The following LNX2 variants were observed in gnomAD, a reference collection of about 807,000 sequenced individuals.
LNX2 encodes ligand of Numb protein X 2.
Under a neutral mutation model 66.2 loss-of-function variants are expected in LNX2, and 35 were observed. The ratio of observed to expected loss-of-function variants is 0.53; its 90% CI spans 0.40 to 0.70. LNX2 has a LOEUF of 0.70. LNX2 is among the 30% of genes least tolerant of loss of function. The pLI is 0.00. For synonymous variants in LNX2, 337 were observed against 315.6 expected, an observed-to-expected ratio of 1.07 and a Z score of -0.72; for missense variants, 791 against 850.8, an observed-to-expected ratio of 0.93 and a Z score of 0.87.
Position 27,609,333 on chromosome 13 carries a change from T to C in LNX2, c.-101+11042A>G, listed in dbSNP as rs868394938. Among the ~76,000 whole-genome samples, 7 of 151,928 alleles carry C rather than the reference T, an allele frequency of 4.6e-5. 1 individual carries two copies. Among genetic ancestry groups the C allele is most frequent in the Admixed American group, 1.3e-4 (2 of 15,262 alleles). The stretch of plus-strand genomic sequence containing the variant: ...ATGCCCACCTAATTTTTGTATTTTC[T>C]AGTAGAGACAGAGTTTCATTATATG... On this transcript the variant is annotated intron_variant, in intron 1 of 9. Transcript: ENST00000316334.
At chr13:27,560,848 G>A (rs1410728063) in intron 5 of LNX2, among the ~76,000 whole-genome samples, 1 of 151,856 alleles carries the variant, frequency 6.6e-6, no homozygotes, top group Non-Finnish European at 1.5e-5. Flanking sequence ...AGAAATTGTG[G>A]TACAAAGTGG....
intron 1 of LNX2, among the ~76,000 whole-genome samples, chr13:27,600,264 G>A (rs1464908544): frequency 1.3e-5 from 2 of 152,124 alleles, no homozygotes; most frequent in African/African-American, 2.4e-5. Context: ...CAAAAACAGT[G>A]TACATTTTAT....
At chr13:27,561,081 G>A (rs1955130041) in intron 5 of LNX2, among the ~76,000 whole-genome samples, 1 of 152,008 alleles carries the variant, frequency 6.6e-6, no homozygotes, top group Non-Finnish European at 1.5e-5. Context: ...TCCATTATTT[G>A]GAGAAAATTA....
intron 1 of LNX2, among the ~76,000 whole-genome samples, chr13:27,594,951 C>T (rs74040818): frequency 8.1e-4 from 124 of 152,218 alleles, no homozygotes; most frequent in African/African-American, 2.9e-3. Context: ...CACTAGTATC[C>T]AAAAAGCCAT....
intron 1 of LNX2, among the ~76,000 whole-genome samples, chr13:27,587,566 T>C (rs577134871): frequency 6.8e-4 from 103 of 152,220 alleles, no homozygotes; most frequent in Non-Finnish European, 1.3e-3. Flanking sequence ...GGAATCAACA[T>C]ATGAACCCAG....
chr13:27,573,358 C>T (rs1029440951), intron 2 of LNX2, among the ~76,000 whole-genome samples: 7 of 151,378 alleles, frequency 4.6e-5, no homozygotes, highest in East Asian at 1.9e-4. Context: ...TCCTGTATGA[C>T]TGTGTGCCTG....
intron 1 of LNX2, among the ~76,000 whole-genome samples, chr13:27,582,193 T>A (rs935190755): frequency 6.6e-6 from 1 of 151,918 alleles, no homozygotes; most frequent in African/African-American, 2.4e-5. Context: ...CCATGTCCTG[T>A]TAATTTTTTT....
At chr13:27,552,712 G>A in intron 8 of LNX2, among the ~76,000 whole-genome samples, 1 of 152,288 alleles carries the variant, frequency 6.6e-6, no homozygotes, top group East Asian at 1.9e-4. Context: ...TAAAAGTGAA[G>A]CAGCCATTCT....
intron 1 of LNX2, among the ~76,000 whole-genome samples, chr13:27,619,511 T>G (rs1268342496): frequency 2.6e-5 from 4 of 152,198 alleles, no homozygotes; most frequent in African/African-American, 7.2e-5. Context: ...GCAGTTCCAA[T>G]AAGCTGGAGC....
At chr13:27,607,435 C>G (rs776103387) in intron 1 of LNX2, among the ~76,000 whole-genome samples, 11 of 152,126 alleles carry the variant, frequency 7.2e-5, no homozygotes, top group Non-Finnish European at 1.5e-4. Context: ...GGTTACAAAC[C>G]AAGAGTTCTT....
intron 5 of LNX2, among the ~76,000 whole-genome samples, chr13:27,561,504 A>C (rs1955135659): frequency 1.3e-5 from 2 of 152,228 alleles, no homozygotes; most frequent in Non-Finnish European, 2.9e-5. Context: ...TAAGGCATCC[A>C]ATTTCTTTAA....
chr13:27,617,394 G>T (rs188526692), intron 1 of LNX2, among the ~76,000 whole-genome samples: 2 of 152,296 alleles, frequency 1.3e-5, no homozygotes, highest in Admixed American at 6.5e-5. Context: ...ATAGAGGAAG[G>T]TGGGCCTGTG....
intron 1 of LNX2, among the ~76,000 whole-genome samples, chr13:27,588,623 T>C (rs988883766): frequency 3.9e-5 from 6 of 152,188 alleles, no homozygotes; most frequent in Admixed American, 3.9e-4. Flanking sequence ...AATGCTACTA[T>C]TGGGGGGAAC....
chr13:27,564,563 T>G (rs1288061456), intron 4 of LNX2, among the ~76,000 whole-genome samples: 1 of 152,144 alleles, frequency 6.6e-6, no homozygotes, highest in African/African-American at 2.4e-5. Context: ...CATATGAAAC[T>G]CTAAGAGTAG....
intron 1 of LNX2, among the ~76,000 whole-genome samples, chr13:27,587,183 C>T (rs1459344536): frequency 6.6e-6 from 1 of 152,144 alleles, no homozygotes; most frequent in African/African-American, 2.4e-5. Context: ...CTTAACTCAT[C>T]GGTACCAGGG....
chr13:27,614,932 G>A (rs1404544526), intron 1 of LNX2, among the ~76,000 whole-genome samples: 1 of 152,062 alleles, frequency 6.6e-6, no homozygotes, highest in East Asian at 1.9e-4. Context: ...AACACACTCA[G>A]GAGTGTTTTT....
intron 1 of LNX2, among the ~76,000 whole-genome samples, chr13:27,588,875 G>A (rs1245510186): frequency 1.3e-5 from 2 of 152,000 alleles, no homozygotes; most frequent in Non-Finnish European, 2.9e-5. Flanking sequence ...AAACATAGAA[G>A]AAATATATTA....
intron 7 of LNX2, among the ~76,000 whole-genome samples, chr13:27,555,329 ATGTTG>A (rs950671151): frequency 3.3e-5 from 5 of 152,022 alleles, no homozygotes; most frequent in Admixed American, 2.6e-4. Context: ...CCTCATCTTT[ATGTTG>A]TGTTTTCTGT....
At chr13:27,576,563 A>AC (rs59031586) in intron 2 of LNX2, among the ~76,000 whole-genome samples, 837 of 34,690 alleles carry the variant, frequency 0.024, 9 homozygotes, top group African/African-American at 0.12. Flanking sequence ...CTAAAAGCAC[A>AC]AAAAAAAAAA....
Sources: allele counts gnomAD v4.1 joint callset (sites outside exome capture counted in the v4.1 genomes callset), GRCh38; gene constraint gnomAD v4.1.1; transcripts MANE v1.5; gene names NCBI Gene and HGNC (gene_info 2026-07-23, HGNC 2026-07-21).